Variants in NID2 observed in about 807,000 individuals in gnomAD.
NID2 encodes nidogen-2.
NID2 carries 83 observed loss-of-function variants against 145.4 expected under a neutral mutation model. The ratio of observed to expected loss-of-function variants is 0.57; its 90% confidence interval spans 0.48 to 0.69. NID2 has a LOEUF of 0.69. NID2 is among the 30% of genes least tolerant of loss of function. The pLI, the probability that NID2 is intolerant of heterozygous loss-of-function variation, is 0.00. For synonymous variants in NID2, 739 were observed against 701.3 expected, an observed-to-expected ratio of 1.05 and a Z score of -0.85; for missense variants, 1,807 against 1,765.7, an observed-to-expected ratio of 1.02 and a Z score of -0.42.
chr14:52,011,424 T>C, intron 17 of NID2, 130 bp downstream of exon 17: 1 of 1,114,102 alleles, frequency 9.0e-7, no homozygotes, highest in South Asian at 1.4e-5. Flanking sequence ...CTTATACAGC[T>C]CAATAAAATG....
rs537534697 is a variant in NID2 at position 52,012,279 on chromosome 14, TAGG to T, written c.3421-599_3421-597del. On this transcript the variant is annotated intron_variant, in intron 16 of 21. Transcript: ENST00000216286. ...CACCTATACTCCTGCCCCTGACTCT[TAGG>T]AGGCAAGATGTTGGTTATATCCTGT... 2.3e-3 allele frequency among the ~76,000 whole-genome samples: 343 copies of T among 152,240 alleles called. 1 individual carries two copies. Among genetic ancestry groups the T allele is most frequent in the Middle Eastern group, 0.01 (3 of 294 alleles).
At chr14:52,033,258 C>T (rs1252655614) in intron 9 of NID2, among the ~76,000 whole-genome samples, 2 of 152,136 alleles carry the variant, frequency 1.3e-5, no homozygotes, top group South Asian at 2.1e-4. Flanking sequence ...AGGGGAAGAG[C>T]GGTTTTCCTT....
At chr14:52,042,392 G>A (rs746922256) in intron 6 of NID2, 42 bp from the exon 7 acceptor site, 6 of 1,569,346 alleles carry the variant, frequency 3.8e-6, no homozygotes, top group Admixed American at 3.5e-5. Flanking sequence ...CGTCATCCTG[G>A]CTAGAGATGG....
At chr14:52,011,177 A>C (rs1891004513) in intron 17 of NID2, 130 bp from the exon 18 acceptor site, 1 of 788,060 alleles carries the variant, frequency 1.3e-6, no homozygotes, top group Non-Finnish European at 2.0e-6. Flanking sequence ...CAAGTCCCCA[A>C]GAACCAGGTT....
chr14:52,059,589 C>T (rs1424935592), intron 3 of NID2, among the ~76,000 whole-genome samples: 1 of 152,194 alleles, frequency 6.6e-6, no homozygotes, highest in African/African-American at 2.4e-5. Flanking sequence ...ATTAAATGCC[C>T]ATTATGGGCA....
chr14:52,018,256 C>G (rs1891283961), intron 14 of NID2, among the ~76,000 whole-genome samples: 1 of 152,192 alleles, frequency 6.6e-6, no homozygotes, highest in Non-Finnish European at 1.5e-5. Context: ...CAAGCTGTGT[C>G]GGAATCATTT....
In NID2 at chr14:52,027,192, G is replaced by A; in HGVS notation, c.2674+9C>T. ...TTCCAGTCATTGAGGCTGACCTGCAGTTACTCACCAGTGCACTGGTGCCCA... is the reference window on the plus strand; with the variant it reads ...TTCCAGTCATTGAGGCTGACCTGCAATTACTCACCAGTGCACTGGTGCCCA... On this transcript the variant is annotated intron_variant, in intron 12 of 21. Transcript: ENST00000216286. The A allele has an allele frequency of 6.7e-7, 1 of 1,489,184 alleles. No individual in the cohort carries two copies. The highest frequency in any genetic ancestry group is 9.0e-7 in the Non-Finnish European group (1 of 1,116,006). The allele number at this position is 1,489,184 out of a possible 1,614,324, so 92.2% of individuals were successfully genotyped here.
At chr14:52,014,099 A>G (rs924690091) in intron 16 of NID2, 188 bp downstream of exon 16, 2 of 697,744 alleles carry the variant, frequency 2.9e-6, no homozygotes, top group African/African-American at 3.5e-5. Flanking sequence ...GGTCAGTGAC[A>G]GGTGACTCCC....
At chr14:52,020,216 A>G (rs770107322) in intron 12 of NID2, 38 bp from the exon 13 acceptor site, 5 of 1,610,560 alleles carry the variant, frequency 3.1e-6, no homozygotes, top group South Asian at 1.1e-5. Flanking sequence ...AGCAAAGAAC[A>G]CTATGACTTC....
At chr14:52,013,815 G>C (rs1476221311) in intron 16 of NID2, among the ~76,000 whole-genome samples, 2 of 152,148 alleles carry the variant, frequency 1.3e-5, no homozygotes, top group African/African-American at 4.8e-5. Context: ...GAACCAAAGT[G>C]AAAGGGAAGG....
intron 18 of NID2, 73 bp from the exon 19 acceptor site, chr14:52,008,040 A>G: frequency 2.5e-6 from 3 of 1,223,722 alleles, no homozygotes; most frequent in Non-Finnish European, 3.5e-6. Flanking sequence ...AGCAGCCCCC[A>G]GTGATCTCCA....
chr14:52,006,039 T>G, intron 20 of NID2, 190 bp from the exon 21 acceptor site: 1 of 574,302 alleles, frequency 1.7e-6, no homozygotes, highest in East Asian at 3.0e-5. Context: ...TAGCTGCATG[T>G]TAGAATCACA....
intron 5 of NID2, among the ~76,000 whole-genome samples, chr14:52,048,039 T>C (rs1892563322): frequency 1.3e-5 from 2 of 152,278 alleles, no homozygotes; most frequent in South Asian, 4.2e-4. Context: ...CCAATTGGTG[T>C]TGATAGAAGG....
chr14:52,008,103 GT>G, intron 18 of NID2, 136 bp from the exon 19 acceptor site: 1 of 452,240 alleles, frequency 2.2e-6, no homozygotes, highest in Non-Finnish European at 3.4e-6. Context: ...GGCTGCATTA[GT>G]AGTGTCTTGC....
chr14:52,039,928 T>C (rs185765683), intron 8 of NID2, among the ~76,000 whole-genome samples: 19 of 152,316 alleles, frequency 1.2e-4, no homozygotes, highest in Admixed American at 1.0e-3. Context: ...TAATAAATTA[T>C]AGCATCTCTG....
intron 9 of NID2, among the ~76,000 whole-genome samples, chr14:52,037,178 A>G (rs532595880): frequency 6.6e-6 from 1 of 152,294 alleles, no homozygotes; most frequent in East Asian, 1.9e-4. Flanking sequence ...ATTCTTTTGT[A>G]TGTGGTCACT....
intron 14 of NID2, among the ~76,000 whole-genome samples, chr14:52,016,921 C>G (rs1383112627): frequency 6.6e-6 from 1 of 152,198 alleles, no homozygotes; most frequent in East Asian, 1.9e-4. Flanking sequence ...AACTGCACGA[C>G]TCACCAGAAT....
At chr14:52,060,918 G>A (rs1225679000) in intron 2 of NID2, among the ~76,000 whole-genome samples, 1 of 152,102 alleles carries the variant, frequency 6.6e-6, no homozygotes, top group Non-Finnish European at 1.5e-5. Context: ...TTTCATACGA[G>A]CATCAGGGTT....
chr14:52,044,794 T>C (rs979186868), intron 5 of NID2, among the ~76,000 whole-genome samples: 8 of 151,168 alleles, frequency 5.3e-5, no homozygotes, highest in Non-Finnish European at 1.0e-4. Flanking sequence ...TTTGGTAGGG[T>C]GGGTTGGGGG....
Sources: allele counts gnomAD v4.1 joint callset (sites outside exome capture counted in the v4.1 genomes callset), GRCh38; gene constraint gnomAD v4.1.1; transcripts MANE v1.5; gene names NCBI Gene and HGNC (gene_info 2026-07-23, HGNC 2026-07-21).